Variants in DYNC1I1 observed in about 807,000 individuals in gnomAD.
DYNC1I1 encodes the protein cytoplasmic dynein 1 intermediate chain 1.
A neutral mutation model predicts 86.6 loss-of-function variants in DYNC1I1; 43 were observed. The ratio of observed to expected loss-of-function variants is 0.50; its 90% CI spans 0.39 to 0.64. The LOEUF (loss-of-function observed/expected upper bound fraction) is 0.64. Among genes scored for constraint, DYNC1I1 ranks in the 30% least tolerant of loss-of-function variants. The pLI is 0.00. For synonymous variants in DYNC1I1, 262 were observed against 283.7 expected (o/e 0.92, Z 0.77); for missense variants, 604 against 788.8 (o/e 0.77, Z 2.81).
chr7:95,925,818 C>G (rs1473455440), intron 6 of DYNC1I1, among the ~76,000 whole-genome samples: 1 of 152,152 alleles, frequency 6.6e-6, no homozygotes, highest in Non-Finnish European at 1.5e-5. Context: ...TTACATTTTA[C>G]TGGATTTAAA....
chr7:95,954,185 T>G (rs1292807769), intron 6 of DYNC1I1, among the ~76,000 whole-genome samples: 9 of 151,666 alleles, frequency 5.9e-5, no homozygotes, highest in African/African-American at 2.2e-4. Flanking sequence ...CAATTCCGTG[T>G]TTTAATACTT....
chr7:95,974,100 A>G (rs1192201041), intron 6 of DYNC1I1, among the ~76,000 whole-genome samples: 1 of 152,116 alleles, frequency 6.6e-6, no homozygotes, highest in African/African-American at 2.4e-5. Context: ...GCCTTGGTGG[A>G]CCTTTTCACT....
intron 15 of DYNC1I1, among the ~76,000 whole-genome samples, chr7:96,078,346 G>A (rs1181489007): frequency 1.3e-5 from 2 of 152,138 alleles, no homozygotes; most frequent in African/African-American, 2.4e-5. Context: ...TACAGTATAA[G>A]AGACAGAGAG....
intron 6 of DYNC1I1, among the ~76,000 whole-genome samples, chr7:95,877,285 C>T (rs183129894): frequency 4.4e-4 from 67 of 152,270 alleles, no homozygotes; most frequent in Admixed American, 2.4e-3. Flanking sequence ...GAGATTTTAC[C>T]TTGGCTTCAA....
chr7:95,940,595 C>T lies in DYNC1I1; in HGVS notation c.491-36917C>T, dbSNP rs937508639. ...TTTCTTCCAGTTGATCGCATCAGCT[C>T]CTGAGGCTTCTGCATTCTTCACATA... On this transcript the variant is annotated intron_variant, in intron 6 of 16. Transcript: ENST00000447467. Among the ~76,000 whole-genome samples, 60 of 152,188 alleles carry T rather than the reference C, an allele frequency of 3.9e-4. 1 individual carries two copies. Among genetic ancestry groups the T allele is most frequent in the Non-Finnish European group, 7.6e-4 (52 of 68,030 alleles).
At chr7:95,944,618 C>A (rs1792341738) in intron 6 of DYNC1I1, among the ~76,000 whole-genome samples, 2 of 152,058 alleles carry the variant, frequency 1.3e-5, no homozygotes, top group African/African-American at 4.8e-5. Context: ...AGACTTGGAA[C>A]CAACTCAAAT....
intron 5 of DYNC1I1, among the ~76,000 whole-genome samples, chr7:95,861,235 G>A (rs1789869260): frequency 6.6e-6 from 1 of 152,146 alleles, no homozygotes; most frequent in South Asian, 2.1e-4. Flanking sequence ...GTTAAACACT[G>A]TGATTGCTAT....
chr7:95,990,257 G>C (rs191234745), intron 9 of DYNC1I1, among the ~76,000 whole-genome samples: 1 of 152,268 alleles, frequency 6.6e-6, no homozygotes, highest in Admixed American at 6.5e-5. Flanking sequence ...CCACGTGACA[G>C]TTTTCAGATG....
chr7:96,046,835 G>A (rs901332954), intron 14 of DYNC1I1, among the ~76,000 whole-genome samples: 1 of 152,194 alleles, frequency 6.6e-6, no homozygotes, highest in African/African-American at 2.4e-5. Context: ...ACTGAGACAG[G>A]ACATGCAAGG....
At chr7:95,856,511 C>T (rs1344250238) in intron 5 of DYNC1I1, among the ~76,000 whole-genome samples, 3 of 152,146 alleles carry the variant, frequency 2.0e-5, no homozygotes, top group African/African-American at 7.2e-5. Flanking sequence ...GGTTCATTTT[C>T]AAAATTTTTA....
intron 1 of DYNC1I1, among the ~76,000 whole-genome samples, chr7:95,777,880 A>T (rs1022816794): frequency 6.6e-6 from 1 of 152,164 alleles, no homozygotes; most frequent in African/African-American, 2.4e-5. Flanking sequence ...AGAATTTTTT[A>T]AAAATTCTGC....
intron 16 of DYNC1I1, among the ~76,000 whole-genome samples, chr7:96,089,077 TTAGA>T (rs1790765251): frequency 6.6e-6 from 1 of 151,842 alleles, no homozygotes. Flanking sequence ...TTAAGGTCCC[TTAGA>T]TAGAAAGTGA....
intron 6 of DYNC1I1, among the ~76,000 whole-genome samples, chr7:95,891,123 G>C (rs896067949): frequency 3.9e-5 from 6 of 152,258 alleles, no homozygotes; most frequent in African/African-American, 9.6e-5. Flanking sequence ...GGCACACACA[G>C]AGGAAAGCCC....
chr7:95,875,271 A>G (rs1790280721), intron 6 of DYNC1I1, among the ~76,000 whole-genome samples: 1 of 152,188 alleles, frequency 6.6e-6, no homozygotes, highest in Admixed American at 6.5e-5. Flanking sequence ...TGGTGTAAGA[A>G]AAAGAAAAAA....
rs200496803 is a variant in DYNC1I1, at chr7:96,030,330, TTGTGTGTGTGTGTGTGTGTGTGTG to T, written c.1116+2033_1116+2056del. On this transcript the variant is annotated intron_variant, in intron 11 of 16. Transcript: ENST00000447467. ...GCTTTCTTCTTCCTTAATGGTAGAGTTGTGTGTGTGTGTGTGTGTGTGTGTGTGTGTGTGTGTGTGTGTGTGTAG... is the reference window on the plus strand; with the variant it reads ...GCTTTCTTCTTCCTTAATGGTAGAGTTGTGTGTGTGTGTGTGTGTGTGTAG... Among the ~76,000 whole-genome samples the T allele has an allele frequency of 1.2e-4, 16 of 135,400 alleles. No homozygotes were observed. The Admixed American group carries it at 1.2e-3, about 10-fold the overall frequency. The allele number at this position is 135,400 out of a possible 152,430, so 88.8% of individuals were successfully genotyped here.
chr7:96,062,938 G>C (rs1012432546), intron 14 of DYNC1I1, among the ~76,000 whole-genome samples: 1 of 151,964 alleles, frequency 6.6e-6, no homozygotes, highest in Non-Finnish European at 1.5e-5. Context: ...TGTGTCCCTG[G>C]GGTGGTTTGA....
downstream of DYNC1I1, among the ~76,000 whole-genome samples, chr7:96,098,891 G>A (rs180996033): frequency 8.2e-4 from 125 of 152,190 alleles, no homozygotes; most frequent in African/African-American, 2.7e-3. Context: ...ACAGGCTTTC[G>A]GCTTTTTAGG....
rs144528951 is a variant in DYNC1I1 at position 95,826,016 on chromosome 7, T to C, written c.315-2041T>C. On this transcript the variant is annotated intron_variant, in intron 4 of 16. Transcript: ENST00000447467. Reference sequence around the variant, plus strand: ...AACATGAAAGCTTGAGAACCACTTATGTAAGTCAAGTCATTGCTGCTCAAA... The same window carrying C: ...AACATGAAAGCTTGAGAACCACTTACGTAAGTCAAGTCATTGCTGCTCAAA... Among the ~76,000 whole-genome samples, 60 of 152,310 alleles carry C rather than the reference T, an allele frequency of 3.9e-4. No individual in the cohort carries two copies. In the East Asian group the frequency reaches 5.0e-3, roughly 13 times the overall value.
intron 10 of DYNC1I1, among the ~76,000 whole-genome samples, chr7:96,012,910 T>C (rs1394455457): frequency 6.6e-6 from 1 of 152,088 alleles, no homozygotes; most frequent in Non-Finnish European, 1.5e-5. Context: ...ATTTTTTCCA[T>C]AGGTTATTAG....
Sources: allele counts gnomAD v4.1 joint callset (sites outside exome capture counted in the v4.1 genomes callset), GRCh38; gene constraint gnomAD v4.1.1; transcripts MANE v1.5; gene names NCBI Gene and HGNC (gene_info 2026-07-23, HGNC 2026-07-21).